CAPNS1: variants seen among roughly 807,000 people sequenced by gnomAD.
CAPNS1 encodes CANP small subunit.
Under a neutral mutation model 39.2 loss-of-function variants are expected in CAPNS1, and 32 were observed. The observed-to-expected ratio is 0.82, with a 90% CI of 0.62 to 1.10. The LOEUF is 1.10. Among genes scored for constraint, CAPNS1 ranks in the 50% least tolerant of loss-of-function variants. The pLI, the probability that CAPNS1 is intolerant of heterozygous loss-of-function variation, is 0.00. For missense variants in CAPNS1, 353 were observed against 373.1 expected (o/e 0.95, Z 0.44); for synonymous variants, 153 against 136.2 (o/e 1.12, Z -0.86).
intron 2 of CAPNS1, chr19:36,141,535 C>T (rs537949383): frequency 1.7e-6 from 2 of 1,191,776 alleles, no homozygotes; most frequent in South Asian, 3.6e-5. Context: ...GCTCAGCCTG[C>T]ATTGGCTAAC....
chr19:36,144,250 TAGTCCCAGCTACTCGGG>T (rs1304770535), intron 6 of CAPNS1: 5 of 151,756 alleles, frequency 3.3e-5, no homozygotes, highest in South Asian at 4.2e-4. Context: ...TGCACGCCTG[TAGTCCCAGCTACTCGGG>T]AGTCCCAGCT....
rs778850588 is a variant in CAPNS1, at chr19:36,140,998, AGT to A, written c.-12_-11del. 8.3e-6 allele frequency: 13 copies of A among 1,567,086 alleles called. No individual in the cohort carries two copies. The highest frequency in any genetic ancestry group is 4.7e-4 in the Middle Eastern group (2 of 4,264). ...ACTGGTCCCCTTTTTTCCCCCCAGC[AGT>A]GAGTCGCAGCCATGTTCCTGGTTAA... On this transcript the variant is annotated splice_region_variant and 5_prime_UTR_variant, in exon 2 of 11. Transcript: ENST00000246533.
At chr19:36,140,894 A>G in intron 1 of CAPNS1, 103 bp from the exon 2 acceptor site, 1 of 1,549,440 alleles carries the variant, frequency 6.5e-7, no homozygotes, top group Admixed American at 1.9e-5. Flanking sequence ...CCCCACCCGG[A>G]GGCTTCAGAT....
chr19:36,148,769 T>C (rs977621323), intron 9 of CAPNS1, among the ~76,000 whole-genome samples: 2 of 151,542 alleles, frequency 1.3e-5, no homozygotes, highest in Non-Finnish European at 2.9e-5. Flanking sequence ...GCCAAGATCG[T>C]GCCACTGCAC....
intron 2 of CAPNS1, chr19:36,141,673 G>A (rs1974380531): frequency 1.1e-6 from 1 of 877,184 alleles, no homozygotes; most frequent in Non-Finnish European, 1.4e-6. Flanking sequence ...GAGGAAGCAA[G>A]ACCTAATGGG....
At position 36,150,089 on chromosome 19, in the gene CAPNS1, C is replaced by A. The variant is rs990894394; in HGVS notation, c.*250C>A. On this transcript the variant is annotated 3_prime_UTR_variant, in exon 11 of 11. Transcript: ENST00000246533. Reference sequence around the variant, plus strand: ...ACGGGTCTCCCCATTCCCACCAGGCCCTGCACACACCCACTCCGTAACCTC... The same window carrying A: ...ACGGGTCTCCCCATTCCCACCAGGCACTGCACACACCCACTCCGTAACCTC... 7.6e-6 allele frequency: 3 copies of A among 393,672 alleles called. No individual in the cohort carries two copies. The highest frequency in any genetic ancestry group is 1.3e-5 in the Non-Finnish European group (3 of 223,106). 24.4% of individuals were successfully genotyped at this position (393,672 alleles called of 1,614,324 possible). A position where few individuals can be genotyped will look rare whatever the true frequency, so the allele number is the denominator to read the frequency against.
intron 8 of CAPNS1, 32 bp from the exon 9 acceptor site, chr19:36,146,164 C>A: frequency 1.3e-6 from 2 of 1,580,984 alleles, no homozygotes; most frequent in South Asian, 2.2e-5. Context: ...GGCCATGTGG[C>A]CCCCGCACCT....
intron 9 of CAPNS1, among the ~76,000 whole-genome samples, chr19:36,148,768 G>A (rs543879468): frequency 2.0e-5 from 3 of 151,206 alleles, no homozygotes; most frequent in East Asian, 2.0e-4. Flanking sequence ...AGCCAAGATC[G>A]TGCCACTGCA....
Position 36,145,817 on chromosome 19 carries a change from A to T in CAPNS1, c.468A>T (p.Thr156=), listed in dbSNP as rs756299507. 2.5e-6 allele frequency: 4 copies of T among 1,614,106 alleles called. No individual in the cohort carries two copies. Among genetic ancestry groups the T allele is most frequent in the Non-Finnish European group, 2.5e-6 (3 of 1,179,974 alleles). Residue 156 remains threonine (T), a synonymous_variant, in exon 7 of 11, where the codon ACA becomes ACT. Transcript: ENST00000246533. ...CACCCTCCCACCAGAGCGACACCACAGGCAAGCTGGGCTTTGAGGAATTCA... is the reference window on the plus strand; with the variant it reads ...CACCCTCCCACCAGAGCGACACCACTGGCAAGCTGGGCTTTGAGGAATTCA... ...SMVAVMDSDT[T]GKLGFEEFKY...
rs1240956320 is a variant in CAPNS1 at position 36,142,733 on chromosome 19, G to T, written c.325G>T (p.Ala109Ser). Residue 109 changes from alanine (A) to serine (S), a missense_variant, in exon 4 of 11, where the codon GCT becomes TCT. Transcript: ENST00000246533. ...GTTCCGGAGACTCTTTGCCCAGCTG[G>T]CTGGAGATGTAAGTAACCTGGGGTC... ...RQFRRLFAQL[A>S]GDDMEVSATE... 6.2e-7 allele frequency: 1 copy of T among 1,614,000 alleles called. No individual in the cohort carries two copies.
intron 9 of CAPNS1, chr19:36,148,286 T>C (rs760084233): frequency 2.0e-5 from 3 of 151,812 alleles, no homozygotes; most frequent in Non-Finnish European, 4.4e-5. Context: ...GAGGATCATT[T>C]GAGTCCAGGA....
In CAPNS1 at chr19:36,149,627, C is replaced by T. The variant is rs1974700624; in HGVS notation, c.771C>T (p.Asn257=). Residue 257 remains asparagine (N), a synonymous_variant, in exon 10 of 11, where the codon AAC becomes AAT. Coordinates refer to ENST00000246533, the MANE Select transcript of CAPNS1 (RefSeq NM_001749.4). ...ATGGCACTGGACAAATCCAGGTGAA[C>T]ATCCAGGAGGTAAGGACCCCCATAT... ...DKDGTGQIQV[N]IQEWLQLTMY... 1.3e-6 allele frequency: 2 copies of T among 1,551,664 alleles called. No individual in the cohort carries two copies. Among genetic ancestry groups the T allele is most frequent in the South Asian group, 1.2e-5 (1 of 82,104 alleles).
intron 6 of CAPNS1, 163 bp from the exon 7 acceptor site, chr19:36,145,643 A>G (rs1443401598): frequency 3.3e-6 from 2 of 599,296 alleles, no homozygotes; most frequent in African/African-American, 1.9e-5. Context: ...TGTATGGATA[A>G]AATGAAAAAT....
chr19:36,142,800 G>A (rs1974427374), intron 4 of CAPNS1, 59 bp downstream of exon 4: 3 of 1,582,956 alleles, frequency 1.9e-6, no homozygotes, highest in Non-Finnish European at 8.7e-7. Flanking sequence ...CCTTGTGGCT[G>A]CCCTTGCACA....
At chr19:36,147,570 TC>T (rs774127976) in intron 9 of CAPNS1, among the ~76,000 whole-genome samples, 2 of 151,268 alleles carry the variant, frequency 1.3e-5, no homozygotes, top group South Asian at 4.2e-4. Flanking sequence ...TTCGAGACCA[TC>T]CTGGCTAACA....
intron 2 of CAPNS1, 142 bp from the exon 3 acceptor site, chr19:36,142,158 G>A: frequency 1.3e-6 from 1 of 749,870 alleles, no homozygotes; most frequent in Non-Finnish European, 2.5e-6. Flanking sequence ...GGACAGATGA[G>A]GACAAGAACA....
Position 36,150,026 on chromosome 19 carries a change from T to G in CAPNS1, c.*187T>G. 2.1e-6 allele frequency: 1 copy of G among 484,606 alleles called. No individual in the cohort carries two copies. Among genetic ancestry groups the G allele is most frequent in the Non-Finnish European group, 3.4e-6 (1 of 290,790 alleles). 30.0% of individuals were successfully genotyped at this position (484,606 alleles called of 1,614,324 possible). On this transcript the variant is annotated 3_prime_UTR_variant, in exon 11 of 11. Coordinates refer to ENST00000246533, the MANE Select transcript of CAPNS1 (RefSeq NM_001749.4). ...AGGGCCCAATTTGCCCTGCCTGGAG[T>G]TCCCCCTGGCTCTAGGACACTCTAA...
At position 36,141,146 on chromosome 19, in the gene CAPNS1, C is replaced by CGGCGGCGGT. The variant is rs979937694; in HGVS notation, c.138_146dup (p.Gly54_Gly56dup). 12 of 1,387,878 alleles carry CGGCGGCGGT rather than the reference C, an allele frequency of 8.6e-6. No homozygotes were observed. Among genetic ancestry groups the CGGCGGCGGT allele is most frequent in the African/African-American group, 3.1e-5 (2 of 64,818 alleles). 86.0% of individuals were successfully genotyped at this position (1,387,878 alleles called of 1,614,324 possible). A position where few individuals can be genotyped will look rare whatever the true frequency, so the allele number is the denominator to read the frequency against. The stretch of plus-strand genomic sequence containing the variant: ...GGGGCGGCGGCGGCGGCGGCGGCGG[C>CGGCGGCGGT]GGCGGCGGTGGTGGAGGCGGCGGTG... On this transcript the variant is annotated inframe_insertion, in exon 2 of 11. Transcript: ENST00000246533.
At position 36,144,551 on chromosome 19, in the gene CAPNS1, T is replaced by C. The variant is rs17880930; in HGVS notation, c.457-1255T>C. On this transcript the variant is annotated intron_variant, in intron 6 of 10. Transcript: ENST00000246533. Reference sequence around the variant, plus strand: ...ATGCATATTTTTATTTATTTTTGTTTTAAAAAATATTTTATAGAGAAAAGC... The same window carrying C: ...ATGCATATTTTTATTTATTTTTGTTCTAAAAAATATTTTATAGAGAAAAGC... Among the ~76,000 whole-genome samples, 1,422 of 152,332 alleles carry C rather than the reference T, an allele frequency of 9.3e-3. 23 individuals carry two copies. The highest frequency in any genetic ancestry group is 0.075 in the South Asian group (360 of 4,828).
Sources: allele counts gnomAD v4.1 joint callset (sites outside exome capture counted in the v4.1 genomes callset), GRCh38; gene constraint gnomAD v4.1.1; transcripts MANE v1.5; gene names NCBI Gene and HGNC (gene_info 2026-07-23, HGNC 2026-07-21).